CTNNA1: variants seen among roughly 807,000 people sequenced by gnomAD.
The protein encoded by CTNNA1 is catenin alpha 1.
A neutral mutation model predicts 98.4 loss-of-function variants in CTNNA1; 37 were observed. The observed-to-expected ratio is 0.38, with a 90% CI of 0.29 to 0.49. The LOEUF is 0.49. Ranked by LOEUF, CTNNA1 falls within the 20% of genes least tolerant of loss-of-function variation. CTNNA1 has a pLI of 0.95. For missense variants in CTNNA1, 761 were observed against 1,147.2 expected, an observed-to-expected ratio of 0.66 and a Z score of 4.86; for synonymous variants, 404 against 413.2, an observed-to-expected ratio of 0.98 and a Z score of 0.27.
At chr5:138,896,096 T>C (rs532003504) in intron 9 of CTNNA1, among the ~76,000 whole-genome samples, 1 of 152,364 alleles carries the variant, frequency 6.6e-6, no homozygotes, top group South Asian at 2.1e-4. Context: ...TATCACACTA[T>C]GGAAATAAGA....
At chr5:138,892,790 G>A (rs781197946) in intron 9 of CTNNA1, among the ~76,000 whole-genome samples, 4 of 151,996 alleles carry the variant, frequency 2.6e-5, no homozygotes, top group Non-Finnish European at 5.9e-5. Flanking sequence ...GCTGAGGCAG[G>A]CAGATCCCCT....
chr5:138,931,728 A>G (rs1432376580), intron 16 of CTNNA1: 19 of 985,300 alleles, frequency 1.9e-5, no homozygotes, highest in Non-Finnish European at 2.2e-5. Flanking sequence ...CCAGCTGTCA[A>G]TACTGTCATC....
intron 6 of CTNNA1, among the ~76,000 whole-genome samples, chr5:138,825,482 G>T (rs1581170662): frequency 2.3e-3 from 169 of 74,062 alleles, no homozygotes; most frequent in East Asian, 0.017. Flanking sequence ...AGCAGTATAA[G>T]TTTTTTTTTT....
At position 138,932,751 on chromosome 5, in the gene CTNNA1, G is replaced by A. The variant is rs376660001; in HGVS notation, c.2433+39G>A. 1.8e-5 allele frequency: 29 copies of A among 1,610,678 alleles called. No individual in the cohort carries two copies. Among genetic ancestry groups the A allele is most frequent in the Admixed American group, 1.0e-4 (6 of 59,938 alleles). On this transcript the variant is annotated intron_variant, in intron 17 of 17. Coordinates refer to ENST00000302763, the MANE Select transcript of CTNNA1 (RefSeq NM_001903.5). ...GAACAAAAAGAGGGCCAGTGGGAAC[G>A]TGCTGACCCTTGTCAGAAATGAAAG...
intron 7 of CTNNA1, among the ~76,000 whole-genome samples, chr5:138,847,404 ATCC>A (rs1375610604): frequency 6.6e-6 from 1 of 152,064 alleles, no homozygotes; most frequent in Non-Finnish European, 1.5e-5. Context: ...GGCTCAAGTG[ATCC>A]TCCTGCCTCA....
intron 9 of CTNNA1, among the ~76,000 whole-genome samples, chr5:138,899,542 A>C (rs1474919224): frequency 6.6e-6 from 1 of 152,176 alleles, no homozygotes; most frequent in African/African-American, 2.4e-5. Context: ...GATCACTCTT[A>C]GGGTTGGTCA....
chr5:138,822,807 C>T lies in CTNNA1; in HGVS notation c.589-1723C>T, dbSNP rs3804201. ...AATTCTAGGAGGAAAAGTAAGCTGT[C>T]ATGTTATACAAGGTTTGAATAAAGA... On this transcript the variant is annotated intron_variant, in intron 5 of 17. Transcript: ENST00000302763. Among the ~76,000 whole-genome samples, 5 of 152,228 alleles carry T rather than the reference C, an allele frequency of 3.3e-5. No homozygotes were observed. The East Asian group carries it at 9.6e-4, about 29-fold the overall frequency.
At chr5:138,922,447 A>G (rs1311125766) in intron 11 of CTNNA1, among the ~76,000 whole-genome samples, 1 of 152,258 alleles carries the variant, frequency 6.6e-6, no homozygotes, top group Non-Finnish European at 1.5e-5. Flanking sequence ...AATAGTGTCC[A>G]TAATATAATT....
intron 7 of CTNNA1, among the ~76,000 whole-genome samples, chr5:138,830,740 G>T (rs2149792909): frequency 6.6e-6 from 1 of 152,262 alleles, no homozygotes; most frequent in Non-Finnish European, 1.5e-5. Flanking sequence ...GCAGTGTGTT[G>T]GGCACAATGT....
At chr5:138,826,117 G>A (rs1210630901) in intron 6 of CTNNA1, among the ~76,000 whole-genome samples, 1 of 152,092 alleles carries the variant, frequency 6.6e-6, no homozygotes, top group African/African-American at 2.4e-5. Flanking sequence ...TTTGTATTCA[G>A]TTTTGACCAG....
chr5:138,933,350 C>T (rs1471811696), intron 17 of CTNNA1, among the ~76,000 whole-genome samples: 1 of 152,096 alleles, frequency 6.6e-6, no homozygotes, highest in Non-Finnish European at 1.5e-5. Flanking sequence ...TCCACCGAGC[C>T]TCCATGGCTT....
chr5:138,803,184 G>A (rs1219311323), intron 3 of CTNNA1, among the ~76,000 whole-genome samples: 1 of 150,764 alleles, frequency 6.6e-6, no homozygotes, highest in Non-Finnish European at 1.5e-5. Context: ...GGGAGATGGG[G>A]TCTGTCACCC....
At chr5:138,866,278 A>ATTTAT (rs1293517102) in intron 7 of CTNNA1, among the ~76,000 whole-genome samples, 1 of 56,982 alleles carries the variant, frequency 1.8e-5, no homozygotes, top group Non-Finnish European at 4.3e-5. Context: ...TAACTCATTT[A>ATTTAT]TTTATTTATT....
rs2149736779 is a variant in CTNNA1 at position 138,812,268 on chromosome 5, A to G, written c.554A>G (p.Asp185Gly). Reference protein sequence around the residue: ...IQYKALKPEVDKLNIMAAKRQ... With the variant: ...IQYKALKPEVGKLNIMAAKRQ... ...TATAAAGCCCTAAAACCTGAAGTGG[A>G]TAAGCTGAACATTATGGCAGCCAAA... The change falls in exon 5 of 18, where the codon GAT becomes GGT. Residue 185 changes from aspartate (D) to glycine (G), a missense_variant. Asp to Gly is a moderately conservative substitution (Grantham distance 94). This residue lies in a region of CTNNA1 where 328 missense variants were observed against 354.3 expected (regional missense o/e 0.93). Coordinates refer to ENST00000302763, the MANE Select transcript of CTNNA1 (RefSeq NM_001903.5). 6.2e-7 allele frequency: 1 copy of G among 1,613,984 alleles called. No individual in the cohort carries two copies. The highest frequency in any genetic ancestry group is 8.5e-7 in the Non-Finnish European group (1 of 1,179,938).
At chr5:138,759,344 C>T (rs182611282) in intron 1 of CTNNA1, among the ~76,000 whole-genome samples, 1 of 152,310 alleles carries the variant, frequency 6.6e-6, no homozygotes. Context: ...AAGGACTTCT[C>T]AGGTCTTTTT....
chr5:138,880,665 C>G (rs1033829439), intron 7 of CTNNA1: 4 of 164,904 alleles, frequency 2.4e-5, no homozygotes, highest in Admixed American at 2.4e-4. Flanking sequence ...GATGTTATTT[C>G]CTCTTACCTA....
chr5:138,810,902 G>T (rs1358146381), intron 4 of CTNNA1, among the ~76,000 whole-genome samples: 2 of 150,602 alleles, frequency 1.3e-5, no homozygotes, highest in Admixed American at 1.3e-4. Flanking sequence ...CGCACGGGGC[G>T]GCTGGCCGGG....
At chr5:138,800,725 C>T (rs1251232175) in intron 3 of CTNNA1, among the ~76,000 whole-genome samples, 3 of 152,028 alleles carry the variant, frequency 2.0e-5, no homozygotes, top group Non-Finnish European at 2.9e-5. Flanking sequence ...ATCACTTGAA[C>T]CTGGGAGACG....
At chr5:138,847,447 G>A (rs542782369) in intron 7 of CTNNA1, among the ~76,000 whole-genome samples, 1 of 152,300 alleles carries the variant, frequency 6.6e-6, no homozygotes, top group Admixed American at 6.5e-5. Flanking sequence ...TTAGAGGCAT[G>A]AGTGGCAGGC....
Sources: gnomAD v4.1 joint callset for allele counts (sites outside exome capture counted in the v4.1 genomes callset) on GRCh38, gnomAD v4.1.1 for gene constraint, gnomAD v4.1.1 regional missense constraint, MANE v1.5 for transcripts, NCBI Gene and HGNC (gene_info 2026-07-23, HGNC 2026-07-21) for gene names.